The following SMURF2 variants were observed in gnomAD, a reference collection of about 807,000 sequenced individuals.
The protein encoded by SMURF2 is E3 ubiquitin-protein ligase SMURF2.
In SMURF2, 48 loss-of-function variants were observed where a neutral mutation model predicts 109.6. That is an observed-to-expected ratio of 0.44 (90% confidence interval 0.35 to 0.56). The LOEUF is 0.56. Among genes scored for constraint, SMURF2 ranks in the 20% least tolerant of loss-of-function variants. The probability of loss-of-function intolerance (pLI) is 0.01; values close to 1 mark genes in which losing one functional copy is unlikely to be tolerated. For missense variants in SMURF2, 575 were observed against 909.0 expected (o/e 0.63, Z 4.72); for synonymous variants, 288 against 317.1 (o/e 0.91, Z 0.97).
At chr17:64,601,397 T>C (rs1555688553) in intron 2 of SMURF2, among the ~76,000 whole-genome samples, 2 of 151,888 alleles carry the variant, frequency 1.3e-5, no homozygotes, top group African/African-American at 4.8e-5. Context: ...CAATAGACAA[T>C]TCTCAAAAAA....
intron 8 of SMURF2, among the ~76,000 whole-genome samples, chr17:64,579,337 T>C (rs1041280502): frequency 1.3e-5 from 2 of 151,398 alleles, no homozygotes; most frequent in East Asian, 3.8e-4. Flanking sequence ...CAAAATCCAG[T>C]GAGAAACTTC....
chr17:64,597,993 C>T (rs559307887), intron 3 of SMURF2, among the ~76,000 whole-genome samples: 21 of 152,008 alleles, frequency 1.4e-4, no homozygotes, highest in Admixed American at 4.6e-4. Context: ...TGCATATACT[C>T]CAATGGTTTA....
chr17:64,609,209 T>C (rs1970010781), intron 1 of SMURF2, among the ~76,000 whole-genome samples: 1 of 152,164 alleles, frequency 6.6e-6, no homozygotes, highest in Non-Finnish European at 1.5e-5. Flanking sequence ...AAGTAATTTA[T>C]AGATTCAATG....
intron 1 of SMURF2, among the ~76,000 whole-genome samples, chr17:64,646,852 T>C (rs1009317558): frequency 3.3e-5 from 5 of 152,228 alleles, no homozygotes; most frequent in African/African-American, 1.2e-4. Context: ...GGAAGGCCTC[T>C]CACCACAATG....
chr17:64,586,148 T>A lies in SMURF2; in HGVS notation c.423A>T (p.Arg141=). Residue 141 remains arginine (R), a synonymous_variant, in exon 6 of 19, where the codon CGA becomes CGT. Coordinates refer to ENST00000262435, the MANE Select transcript of SMURF2 (RefSeq NM_022739.4). ...CCACAACTTGTCCTCCTGTGCCTATTCGGTCTCTGGACTGAAGACTTACTA... is the reference window on the plus strand; with the variant it reads ...CCACAACTTGTCCTCCTGTGCCTATACGGTCTCTGGACTGAAGACTTACTA... ...QIVVSLQSRD[R]IGTGGQVVDC... is the part of the protein sequence containing the mutation. 6.2e-7 allele frequency: 1 copy of A among 1,609,064 alleles called. No individual in the cohort carries two copies. Among genetic ancestry groups the A allele is most frequent in the East Asian group, 2.2e-5 (1 of 44,692 alleles).
Position 64,603,583 on chromosome 17 carries a change from GAA to G in SMURF2, c.91+3017_91+3018del, listed in dbSNP as rs75365686. ...GGGACAGAGCAAGACTCCGTCGGGG[GAA>G]AAAAAAAAAAAAAAACATAATGAAT... is the stretch of plus-strand genomic sequence containing the variant. On this transcript the variant is annotated intron_variant, in intron 2 of 18. Transcript: ENST00000262435. Among the ~76,000 whole-genome samples, 479 of 120,326 alleles carry G rather than the reference GAA, an allele frequency of 4.0e-3. 3 individuals carry two copies. The highest frequency in any genetic ancestry group is 0.013 in the African/African-American group (462 of 34,774). 78.9% of individuals were successfully genotyped at this position (120,326 alleles called of 152,430 possible).
At chr17:64,557,805 C>A (rs1367249281) in intron 12 of SMURF2, 83 bp from the exon 13 acceptor site, 4 of 684,794 alleles carry the variant, frequency 5.8e-6, no homozygotes, top group Non-Finnish European at 9.8e-6. Context: ...ATCATTTTAG[C>A]AAATAATTAT....
chr17:64,560,470 A>G (rs1442154262), intron 12 of SMURF2, among the ~76,000 whole-genome samples: 1 of 152,210 alleles, frequency 6.6e-6, no homozygotes, highest in East Asian at 1.9e-4. Context: ...TAAGGCTACA[A>G]ATACACACAT....
chr17:64,626,678 G>T (rs532624062), intron 1 of SMURF2, among the ~76,000 whole-genome samples: 1 of 151,876 alleles, frequency 6.6e-6, no homozygotes, highest in East Asian at 1.9e-4. Context: ...CAAGGGAATC[G>T]CTTGAACCTA....
intron 16 of SMURF2, among the ~76,000 whole-genome samples, chr17:64,549,022 G>A (rs1241344409): frequency 6.6e-6 from 1 of 151,914 alleles, no homozygotes; most frequent in Non-Finnish European, 1.5e-5. Flanking sequence ...GGTAGCTCAC[G>A]CCTGTAATCC....
chr17:64,654,131 G>A (rs1454636543), intron 1 of SMURF2, among the ~76,000 whole-genome samples: 1 of 152,144 alleles, frequency 6.6e-6, no homozygotes, highest in Non-Finnish European at 1.5e-5. Context: ...AACTTTTTGG[G>A]AAGAAATGGG....
chr17:64,627,666 T>C (rs797024828), intron 1 of SMURF2, among the ~76,000 whole-genome samples: 6 of 152,202 alleles, frequency 3.9e-5, no homozygotes, highest in African/African-American at 1.4e-4. Flanking sequence ...AATGCAGATG[T>C]AAGCAGGTGA....
At chr17:64,546,414 G>T in intron 17 of SMURF2, 76 bp from the exon 18 acceptor site, 1 of 1,297,870 alleles carries the variant, frequency 7.7e-7, no homozygotes, top group Non-Finnish European at 1.1e-6. Context: ...AATAAAACTG[G>T]TAAGTTAACC....
chr17:64,640,446 G>A (rs568044655), intron 1 of SMURF2, among the ~76,000 whole-genome samples: 2 of 152,262 alleles, frequency 1.3e-5, no homozygotes, highest in East Asian at 3.9e-4. Flanking sequence ...AATGAGCAAA[G>A]GAAAGCCCAG....
chr17:64,649,109 C>T (rs1970601063), intron 1 of SMURF2, among the ~76,000 whole-genome samples: 1 of 152,172 alleles, frequency 6.6e-6, no homozygotes, highest in South Asian at 2.1e-4. Flanking sequence ...TCTACTCCTA[C>T]AACATGTAGC....
rs142526984 is a variant in SMURF2, at chr17:64,600,951, A to G, written c.92-2461T>C. ...TTGCTTTTTTAAAAAAATAAAATGAAAAAGAATTAAGGACTGGCCAGACAC... is the reference window on the plus strand; with the variant it reads ...TTGCTTTTTTAAAAAAATAAAATGAGAAAGAATTAAGGACTGGCCAGACAC... On this transcript the variant is annotated intron_variant, in intron 2 of 18. Coordinates refer to ENST00000262435, the MANE Select transcript of SMURF2 (RefSeq NM_022739.4). Among the ~76,000 whole-genome samples the G allele has an allele frequency of 4.9e-3, 746 of 152,272 alleles. 5 individuals are homozygous for G. Among genetic ancestry groups the G allele is most frequent in the African/African-American group, 0.017 (700 of 41,556 alleles).
chr17:64,602,355 AT>A (rs1369141868), intron 2 of SMURF2, among the ~76,000 whole-genome samples: 4 of 152,058 alleles, frequency 2.6e-5, no homozygotes, highest in African/African-American at 9.7e-5. Flanking sequence ...AAGAAAAACA[AT>A]TTTTTCCATA....
chr17:64,569,343 T>C (rs1555685374), intron 10 of SMURF2, among the ~76,000 whole-genome samples: 3 of 151,338 alleles, frequency 2.0e-5, no homozygotes. Context: ...TCCACATGGA[T>C]TAAAGACTTT....
chr17:64,561,132 A>G (rs1371625897), intron 12 of SMURF2, among the ~76,000 whole-genome samples: 3 of 152,176 alleles, frequency 2.0e-5, no homozygotes, highest in African/African-American at 7.2e-5. Flanking sequence ...TTAACAAGGA[A>G]AAAAGGCATA....
Sources: allele counts gnomAD v4.1 joint callset (sites outside exome capture counted in the v4.1 genomes callset), GRCh38; gene constraint gnomAD v4.1.1; transcripts MANE v1.5; gene names NCBI Gene and HGNC (gene_info 2026-07-23, HGNC 2026-07-21).